AR: variants seen among roughly 807,000 people sequenced by gnomAD.
AR encodes androgen receptor.
In AR, 8 loss-of-function variants were observed where a neutral mutation model predicts 53.9. That is an observed-to-expected ratio of 0.15 (90% CI 0.09 to 0.27). AR has a LOEUF of 0.27. AR is among the 10% of genes least tolerant of loss of function. AR has a pLI of 1.00. For synonymous variants in AR, 359 were observed against 316.4 expected (o/e 1.13, Z -1.43); for missense variants, 639 against 742.5 (o/e 0.86, Z 1.62).
intron 1 of AR, among the ~76,000 whole-genome samples, chrX:67,632,153 G>A (rs962924997): frequency 3.6e-4 from 41 of 113,068 alleles, no homozygotes; most frequent in African/African-American, 1.3e-3. Context: ...TCCTTGAGCT[G>A]TGGTGGGCTC....
chrX:67,574,904 C>T (rs1348680078), intron 1 of AR, among the ~76,000 whole-genome samples: 1 of 111,637 alleles, frequency 9.0e-6, no homozygotes, highest in Admixed American at 9.5e-5. Flanking sequence ...AAATTGCTGA[C>T]TTTCTGGCAG....
intron 1 of AR, among the ~76,000 whole-genome samples, chrX:67,578,603 C>A (rs1035834632): frequency 1.8e-5 from 2 of 111,475 alleles, no homozygotes; most frequent in Admixed American, 9.6e-5. Flanking sequence ...TTCTCTGAGT[C>A]TTTATTGGTG....
intron 2 of AR, among the ~76,000 whole-genome samples, chrX:67,660,477 T>G (rs1926837938): frequency 8.9e-6 from 1 of 111,910 alleles, no homozygotes; most frequent in Non-Finnish European, 1.9e-5. Flanking sequence ...GGGAATCCTT[T>G]CCCCATTTCT....
intron 4 of AR, 79 bp from the exon 5 acceptor site, chrX:67,717,399 C>T (rs2076117738): frequency 3.4e-6 from 4 of 1,166,127 alleles, no homozygotes; most frequent in Non-Finnish European, 4.7e-6. Context: ...ACCAGAGCAT[C>T]TCTGCCCAAC....
At chrX:67,695,512 T>G in intron 3 of AR, 1 of 754,031 alleles carries the variant, frequency 1.3e-6, no homozygotes, top group African/African-American at 2.3e-5. Context: ...AAGCCTCTCA[T>G]TCTTCTCCCA....
At chrX:67,561,594 G>T (rs933072793) in intron 1 of AR, among the ~76,000 whole-genome samples, 26 of 111,693 alleles carry the variant, frequency 2.3e-4, no homozygotes, top group African/African-American at 7.2e-4. Flanking sequence ...GAATATTTTT[G>T]GATTTTGGTA....
Position 67,723,999 on chromosome X carries a change from CT to C in AR, c.*167del, listed in dbSNP as rs879239848. The C allele has an allele frequency of 9.2e-5, 64 of 693,352 alleles. No individual in the cohort carries two copies. Among genetic ancestry groups the C allele is most frequent in the Admixed American group, 2.4e-4 (7 of 29,160 alleles). 57.1% of individuals were successfully genotyped at this position (693,352 alleles called of 1,213,427 possible). A position where few individuals can be genotyped will look rare whatever the true frequency, so the allele number is the denominator to read the frequency against. On this transcript the variant is annotated 3_prime_UTR_variant, in exon 8 of 8. Coordinates refer to ENST00000374690, the MANE Select transcript of AR (RefSeq NM_000044.6). Reference sequence around the variant, plus strand: ...ATGTTCCTGAATTCTATTTGCTGGGCTTTTTTTTTCTCTTTCTCTCCTTTCT... The same window carrying C: ...ATGTTCCTGAATTCTATTTGCTGGGCTTTTTTTTCTCTTTCTCTCCTTTCT...
chrX:67,573,963 T>C (rs1173842763), intron 1 of AR, among the ~76,000 whole-genome samples: 2 of 112,200 alleles, frequency 1.8e-5, no homozygotes, highest in African/African-American at 6.5e-5. Context: ...AGCATACATT[T>C]CACAATTGGG....
intron 1 of AR, among the ~76,000 whole-genome samples, chrX:67,547,650 T>C (rs976638611): frequency 2.7e-5 from 3 of 112,368 alleles, no homozygotes; most frequent in African/African-American, 9.7e-5. Flanking sequence ...TACAAAACTG[T>C]TGGAAAACAT....
chrX:67,627,090 T>G (rs982353197), intron 1 of AR, among the ~76,000 whole-genome samples: 3 of 109,742 alleles, frequency 2.7e-5, no homozygotes, highest in African/African-American at 1.0e-4. Context: ...GCAATGAACA[T>G]ACGTGTGCAT....
intron 3 of AR, among the ~76,000 whole-genome samples, chrX:67,704,836 A>C (rs975979982): frequency 2.7e-5 from 3 of 112,188 alleles, no homozygotes; most frequent in Non-Finnish European, 5.6e-5. Flanking sequence ...GGTGTAAGGA[A>C]GGGATCCAGT....
Position 67,645,000 on chromosome X carries a change from T to G in AR, c.1768+1593T>G, listed in dbSNP as rs1832612115. Reference sequence around the variant, plus strand: ...TCCAGAGACTTCAGACCACCCCAACTTCCCCAGTGAGACCCTGGCACCTCC... The same window carrying G: ...TCCAGAGACTTCAGACCACCCCAACGTCCCCAGTGAGACCCTGGCACCTCC... On this transcript the variant is annotated intron_variant, in intron 2 of 7. Transcript: ENST00000374690. Among the ~76,000 whole-genome samples the G allele has an allele frequency of 2.7e-5, 3 of 110,333 alleles. No individual in the cohort carries two copies. In the South Asian group the frequency reaches 1.2e-3, roughly 43 times the overall value.
In AR at chrX:67,688,801, C is replaced by T. The variant is rs930330344; in HGVS notation, c.1885+2675C>T. On this transcript the variant is annotated intron_variant, in intron 3 of 7. Coordinates refer to ENST00000374690, the MANE Select transcript of AR (RefSeq NM_000044.6). The stretch of plus-strand genomic sequence containing the variant: ...CTGCCCTACTGACACAACCCCCTCC[C>T]AAGTTTATTGTTAACTTACACATTC... Among the ~76,000 whole-genome samples, 6 of 111,611 alleles carry T rather than the reference C, an allele frequency of 5.4e-5. No individual in the cohort carries two copies. The East Asian group carries it at 8.5e-4, about 16-fold the overall frequency.
At chrX:67,640,984 C>G (rs1925733010) in intron 1 of AR, among the ~76,000 whole-genome samples, 1 of 110,835 alleles carries the variant, frequency 9.0e-6, no homozygotes, top group Non-Finnish European at 1.9e-5. Flanking sequence ...ATAGTAGTTT[C>G]TTAGGGCCAA....
intron 1 of AR, chrX:67,568,747 T>G: frequency 1.2e-6 from 1 of 857,015 alleles, no homozygotes; most frequent in Non-Finnish European, 1.6e-6. Context: ...GTTAGTTTGC[T>G]TATCTGCGCC....
intron 3 of AR, among the ~76,000 whole-genome samples, chrX:67,709,595 G>A (rs932941871): frequency 2.7e-5 from 3 of 112,148 alleles, no homozygotes; most frequent in Non-Finnish European, 5.6e-5. Flanking sequence ...TCCCGGGTGA[G>A]GCGATGCCTC....
chrX:67,694,324 C>T (rs891183333), intron 3 of AR, among the ~76,000 whole-genome samples: 7 of 110,198 alleles, frequency 6.4e-5, no homozygotes, highest in African/African-American at 9.9e-5. Context: ...TCTTCTCCTA[C>T]ATCTTCTCAC....
chrX:67,643,486 A>G (rs967536017), intron 2 of AR, 79 bp downstream of exon 2: 3 of 1,115,472 alleles, frequency 2.7e-6, no homozygotes, highest in Non-Finnish European at 3.6e-6. Context: ...TTCAGGGCCC[A>G]GGATTTTATC....
At chrX:67,677,397 G>T (rs765669759) in intron 2 of AR, among the ~76,000 whole-genome samples, 4 of 111,496 alleles carry the variant, frequency 3.6e-5, no homozygotes, top group Non-Finnish European at 7.5e-5. Context: ...GCCAGACAGT[G>T]AGACTACAAA....
Sources: gnomAD v4.1 joint callset for allele counts (sites outside exome capture counted in the v4.1 genomes callset) on GRCh38, gnomAD v4.1.1 for gene constraint, MANE v1.5 for transcripts, NCBI Gene and HGNC (gene_info 2026-07-23, HGNC 2026-07-21) for gene names.